SNX29: variants seen among roughly 807,000 people sequenced by gnomAD.
The protein encoded by SNX29 is sorting nexin-29.
Under a neutral mutation model 102.1 loss-of-function variants are expected in SNX29, and 78 were observed. The ratio of observed to expected loss-of-function variants is 0.76; its 90% CI spans 0.64 to 0.92. The LOEUF (loss-of-function observed/expected upper bound fraction) is 0.92, where lower values mean the gene tolerates loss of function less well. SNX29 is among the 40% of genes least tolerant of loss of function. The probability of loss-of-function intolerance (pLI) is 0.00; values close to 1 mark genes in which losing one functional copy is unlikely to be tolerated. For synonymous variants in SNX29, 580 were observed against 414.5 expected, an observed-to-expected ratio of 1.40 and a Z score of -4.85; for missense variants, 1,280 against 1,061.7, an observed-to-expected ratio of 1.21 and a Z score of -2.86.
At chr16:12,465,133 A>G (rs1357721832) in intron 18 of SNX29, among the ~76,000 whole-genome samples, 3 of 152,190 alleles carry the variant, frequency 2.0e-5, no homozygotes, top group Non-Finnish European at 4.4e-5. Flanking sequence ...TTAACCCCTT[A>G]TCAGATATGG....
intron 11 of SNX29, among the ~76,000 whole-genome samples, chr16:12,093,425 C>A (rs866067338): frequency 7.3e-6 from 1 of 136,552 alleles, no homozygotes; most frequent in African/African-American, 2.7e-5. Flanking sequence ...GCCTGGGCAA[C>A]ATAGTGAGAC....
chr16:12,283,945 C>T (rs2079513777), intron 15 of SNX29, among the ~76,000 whole-genome samples: 3 of 152,198 alleles, frequency 2.0e-5, no homozygotes, highest in Admixed American at 2.0e-4. Flanking sequence ...CTGTAAACTT[C>T]CCCATGCTTC....
In SNX29 at chr16:12,206,547, G is replaced by T. The variant is rs539569533; in HGVS notation, c.1678+6864G>T. On this transcript the variant is annotated intron_variant, in intron 14 of 20. Coordinates refer to ENST00000566228, the MANE Select transcript of SNX29 (RefSeq NM_032167.5). ...TTAGCTCCCATGAGTCAGTACACGG[G>T]CGCTCCCATCCCTCACTGTGTGCTG... 1.1e-3 allele frequency among the ~76,000 whole-genome samples: 168 copies of T among 152,240 alleles called. 1 individual carries two copies. The highest frequency in any genetic ancestry group is 3.7e-3 in the African/African-American group (154 of 41,544).
chr16:12,551,928 A>C (rs1040957133), intron 20 of SNX29, among the ~76,000 whole-genome samples: 35 of 152,208 alleles, frequency 2.3e-4, no homozygotes, highest in African/African-American at 8.0e-4. Context: ...ACACAGAGCC[A>C]CTGTGAGGAT....
intron 14 of SNX29, among the ~76,000 whole-genome samples, chr16:12,227,899 TAAAAAAAA>T (rs59381762): frequency 5.6e-5 from 4 of 71,558 alleles, no homozygotes; most frequent in Admixed American, 2.0e-4. Flanking sequence ...GACTCTGTCT[TAAAAAAAA>T]AAAAAAAAAA....
intron 13 of SNX29, among the ~76,000 whole-genome samples, chr16:12,140,178 C>G (rs925580204): frequency 2.6e-5 from 4 of 152,006 alleles, no homozygotes; most frequent in African/African-American, 9.7e-5. Flanking sequence ...TCATGCAGTC[C>G]CCATGACTTT....
intron 20 of SNX29, among the ~76,000 whole-genome samples, chr16:12,549,118 A>G (rs938719697): frequency 6.6e-6 from 1 of 152,166 alleles, no homozygotes; most frequent in Admixed American, 6.5e-5. Context: ...GACATAGCAG[A>G]TGGAAAATTC....
rs574710166 is a variant in SNX29, at chr16:12,379,827, G to A, written c.1900-18619G>A. On this transcript the variant is annotated intron_variant, in intron 16 of 20. Coordinates refer to ENST00000566228, the MANE Select transcript of SNX29 (RefSeq NM_032167.5). ...GGCTTCCTAAGTCATCGATCCCGGTGAGTGGGGCCTGCCCAGCAGTGATGA... is the reference window on the plus strand; with the variant it reads ...GGCTTCCTAAGTCATCGATCCCGGTAAGTGGGGCCTGCCCAGCAGTGATGA... 3.9e-5 allele frequency among the ~76,000 whole-genome samples: 6 copies of A among 152,292 alleles called. No homozygotes were observed. The South Asian group carries it at 1.0e-3, about 26-fold the overall frequency.
At chr16:12,206,992 A>G (rs1178632977) in intron 14 of SNX29, among the ~76,000 whole-genome samples, 2 of 152,044 alleles carry the variant, frequency 1.3e-5, no homozygotes, top group African/African-American at 4.8e-5. Flanking sequence ...TGACACTGTA[A>G]ATTAATCAAG....
At chr16:12,515,476 C>T in intron 19 of SNX29, 1 of 484,218 alleles carries the variant, frequency 2.1e-6, no homozygotes, top group South Asian at 1.5e-5. Flanking sequence ...TGAAATAGAA[C>T]TGAAACCCAT....
chr16:12,261,165 C>T (rs115775744), intron 14 of SNX29, among the ~76,000 whole-genome samples: 2,074 of 142,292 alleles, frequency 0.015, 38 homozygotes, highest in African/African-American at 0.029. Flanking sequence ...CACGTGTCCC[C>T]GGCTGGAGTG....
chr16:12,083,920 C>G (rs1392052180), intron 11 of SNX29, among the ~76,000 whole-genome samples: 1 of 152,228 alleles, frequency 6.6e-6, no homozygotes, highest in African/African-American at 2.4e-5. Flanking sequence ...TAATTTAATC[C>G]TCAGTGCCTG....
intron 14 of SNX29, among the ~76,000 whole-genome samples, chr16:12,229,956 A>C (rs1055186943): frequency 6.6e-6 from 1 of 152,166 alleles, no homozygotes; most frequent in Non-Finnish European, 1.5e-5. Flanking sequence ...TGGATAGTAA[A>C]TATTTTTGGC....
At chr16:12,419,101 G>T (rs181469990) in intron 18 of SNX29, among the ~76,000 whole-genome samples, 2 of 152,152 alleles carry the variant, frequency 1.3e-5, no homozygotes, top group Non-Finnish European at 2.9e-5. Flanking sequence ...CAGCGCCACC[G>T]TTGAGAAACC....
chr16:12,569,922 C>T lies in SNX29; in HGVS notation c.*1293C>T, dbSNP rs1598134505. On this transcript the variant is annotated 3_prime_UTR_variant, in exon 21 of 21. Transcript: ENST00000566228. The stretch of plus-strand genomic sequence containing the variant: ...ATCTGAGGCAGAGACACAGCAGAAC[C>T]TGAGGAGAAAAGCAGGTGGAAGGTG... 4.3e-6 allele frequency: 1 copy of T among 232,630 alleles called. No individual in the cohort carries two copies. Among genetic ancestry groups the T allele is most frequent in the Admixed American group, 5.6e-5 (1 of 17,766 alleles). The allele number at this position is 232,630 out of a possible 1,614,324, so 14.4% of individuals were successfully genotyped here.
At chr16:12,397,231 A>G (rs1028142845) in intron 16 of SNX29, among the ~76,000 whole-genome samples, 1 of 152,218 alleles carries the variant, frequency 6.6e-6, no homozygotes, top group Non-Finnish European at 1.5e-5. Flanking sequence ...AATGTGTCCT[A>G]ACCTTCAAGT....
chr16:12,107,839 C>T (rs1461387193), intron 11 of SNX29, among the ~76,000 whole-genome samples: 6 of 152,036 alleles, frequency 3.9e-5, no homozygotes, highest in Non-Finnish European at 7.4e-5. Flanking sequence ...AGGAATTCTT[C>T]ATTAGGAATG....
At chr16:12,478,028 A>G (rs570835782) in intron 19 of SNX29, among the ~76,000 whole-genome samples, 169 bp downstream of exon 19, 2 of 152,376 alleles carry the variant, frequency 1.3e-5, no homozygotes, top group African/African-American at 2.4e-5. Flanking sequence ...CACCACCTAA[A>G]GATGGTCACC....
At chr16:12,061,382 C>T in intron 8 of SNX29, 146 bp from the exon 9 acceptor site, 1 of 642,168 alleles carries the variant, frequency 1.6e-6, no homozygotes, top group South Asian at 1.9e-5. Flanking sequence ...GGACTCCACG[C>T]TCTACCTCCC....
Sources: allele counts gnomAD v4.1 joint callset (sites outside exome capture counted in the v4.1 genomes callset), GRCh38; gene constraint gnomAD v4.1.1; transcripts MANE v1.5; gene names NCBI Gene and HGNC (gene_info 2026-07-23, HGNC 2026-07-21).